The following FHIT variants were observed in gnomAD, a reference collection of about 807,000 sequenced individuals.
The protein encoded by FHIT is bis(5'-adenosyl)-triphosphatase.
FHIT carries 19 observed loss-of-function variants against 17.9 expected under a neutral mutation model. That is an observed-to-expected ratio of 1.06 (90% CI 0.74 to 1.56). FHIT has a LOEUF of 1.56. Among genes scored for constraint, FHIT ranks in the 40% most tolerant of loss-of-function variants. FHIT has a pLI of 0.00. For missense variants in FHIT, 248 were observed against 189.2 expected (o/e 1.31, Z -1.82); for synonymous variants, 81 against 69.7 (o/e 1.16, Z -0.81).
At chr3:59,998,725 T>C (rs1353411785) in intron 7 of FHIT, among the ~76,000 whole-genome samples, 2 of 152,106 alleles carry the variant, frequency 1.3e-5, no homozygotes, top group Non-Finnish European at 1.5e-5. Context: ...GAAGGTCACC[T>C]GAGAAAGTCA....
intron 8 of FHIT, among the ~76,000 whole-genome samples, chr3:59,867,796 T>C (rs1702721575): frequency 6.6e-6 from 1 of 152,020 alleles, no homozygotes; most frequent in Non-Finnish European, 1.5e-5. Flanking sequence ...GACAAAATCA[T>C]CTCCCCACCT....
intron 5 of FHIT, among the ~76,000 whole-genome samples, chr3:60,482,905 GA>G (rs1179305748): frequency 6.6e-6 from 1 of 150,996 alleles, no homozygotes. Context: ...TGGTTTTCTT[GA>G]AAAAAATAAA....
intron 3 of FHIT, among the ~76,000 whole-genome samples, chr3:60,841,530 T>C (rs1553745050): frequency 6.6e-6 from 1 of 152,228 alleles, no homozygotes; most frequent in Non-Finnish European, 1.5e-5. Flanking sequence ...TTTCTCAATG[T>C]CTATGCTTAT....
At chr3:60,439,909 AC>A (rs1328316744) in intron 5 of FHIT, among the ~76,000 whole-genome samples, 1 of 151,956 alleles carries the variant, frequency 6.6e-6, no homozygotes, top group African/African-American at 2.4e-5. Flanking sequence ...TAAATGAACC[AC>A]TGCTGTGTTT....
At chr3:59,990,761 A>C (rs1211837948) in intron 7 of FHIT, among the ~76,000 whole-genome samples, 2 of 152,060 alleles carry the variant, frequency 1.3e-5, no homozygotes, top group African/African-American at 4.8e-5. Context: ...TTATTGACCA[A>C]AGTGGTTTAA....
At chr3:60,082,000 G>A (rs180705190) in intron 5 of FHIT, among the ~76,000 whole-genome samples, 10 of 152,074 alleles carry the variant, frequency 6.6e-5, no homozygotes, top group Admixed American at 2.0e-4. Flanking sequence ...TGATTTCGGG[G>A]TGCACATGTG....
intron 4 of FHIT, among the ~76,000 whole-genome samples, chr3:60,580,781 A>G (rs530460690): frequency 6.6e-6 from 1 of 152,156 alleles, no homozygotes; most frequent in Admixed American, 6.6e-5. Context: ...ATTCCTATCA[A>G]TTAGTTGAGG....
At chr3:59,791,217 G>C (rs1323618299) in intron 8 of FHIT, among the ~76,000 whole-genome samples, 1 of 152,130 alleles carries the variant, frequency 6.6e-6, no homozygotes, top group East Asian at 1.9e-4. Context: ...GCCTCTCAGG[G>C]AACCCTATCC....
intron 7 of FHIT, among the ~76,000 whole-genome samples, chr3:59,949,483 A>G (rs1485832104): frequency 6.6e-6 from 1 of 152,262 alleles, no homozygotes; most frequent in Non-Finnish European, 1.5e-5. Flanking sequence ...ATAAGACTTC[A>G]GCCTAAAGCA....
intron 5 of FHIT, among the ~76,000 whole-genome samples, chr3:60,235,465 C>T (rs1327774758): frequency 1.3e-5 from 2 of 152,062 alleles, no homozygotes; most frequent in East Asian, 1.9e-4. Flanking sequence ...CTCCTGACCT[C>T]GTGATCTGCT....
intron 5 of FHIT, among the ~76,000 whole-genome samples, chr3:60,250,194 G>A (rs374251814): frequency 5.1e-4 from 77 of 152,192 alleles, no homozygotes; most frequent in African/African-American, 1.7e-3. Context: ...AGATAAAGTC[G>A]CACCTACAGC....
rs139108956 is a variant in FHIT, at chr3:59,947,543, G to A, written c.280-25129C>T. On this transcript the variant is annotated intron_variant, in intron 7 of 9. Transcript: ENST00000492590. The stretch of plus-strand genomic sequence containing the variant: ...CTCCGATTTTATTTGATGCTCTGAG[G>A]GTTTGATTATGGTATAAGAGGTTCA... Among the ~76,000 whole-genome samples, 832 of 152,136 alleles carry A rather than the reference G, an allele frequency of 5.5e-3. 6 individuals are homozygous for A. The highest frequency in any genetic ancestry group is 0.018 in the African/African-American group (749 of 41,510).
chr3:60,416,811 G>T (rs949413509), intron 5 of FHIT, among the ~76,000 whole-genome samples: 1 of 151,990 alleles, frequency 6.6e-6, no homozygotes, highest in African/African-American at 2.4e-5. Flanking sequence ...AACAGGCCGG[G>T]TGCGGCAGCT....
chr3:59,936,817 G>A (rs777018242), intron 7 of FHIT, among the ~76,000 whole-genome samples: 9 of 152,124 alleles, frequency 5.9e-5, no homozygotes, highest in South Asian at 2.1e-4. Flanking sequence ...CTAGCTGAGC[G>A]CAATACTACT....
At chr3:60,964,790 C>T (rs1161157041) in intron 3 of FHIT, among the ~76,000 whole-genome samples, 1 of 152,128 alleles carries the variant, frequency 6.6e-6, no homozygotes, top group Non-Finnish European at 1.5e-5. Flanking sequence ...GAGTTTCTGC[C>T]AAGAGATCTG....
chr3:60,221,653 C>A (rs769981486), intron 5 of FHIT, among the ~76,000 whole-genome samples: 2 of 152,098 alleles, frequency 1.3e-5, no homozygotes, highest in Non-Finnish European at 2.9e-5. Flanking sequence ...ACCTGAAACA[C>A]GGCGCACACC....
chr3:60,151,081 G>A (rs61650100), intron 5 of FHIT, among the ~76,000 whole-genome samples: 3 of 151,868 alleles, frequency 2.0e-5, no homozygotes, highest in Admixed American at 6.5e-5. Context: ...ATCTTTTCAC[G>A]GTTTTAGTGA....
intron 3 of FHIT, among the ~76,000 whole-genome samples, chr3:60,852,658 T>A (rs1279831036): frequency 1.3e-5 from 2 of 151,990 alleles, no homozygotes; most frequent in Non-Finnish European, 2.9e-5. Context: ...ATTTAATGTA[T>A]CAAGAAAGGA....
chr3:60,527,032 C>T (rs2035601660), intron 5 of FHIT, among the ~76,000 whole-genome samples: 1 of 152,178 alleles, frequency 6.6e-6, no homozygotes, highest in South Asian at 2.1e-4. Flanking sequence ...GCTGCTGCCT[C>T]TCAGTAATGT....
Sources: allele counts gnomAD v4.1 joint callset (sites outside exome capture counted in the v4.1 genomes callset), GRCh38; gene constraint gnomAD v4.1.1; transcripts MANE v1.5; gene names NCBI Gene and HGNC (gene_info 2026-07-23, HGNC 2026-07-21).